Variants in GRIN2B observed in about 807,000 individuals in gnomAD.
GRIN2B encodes glutamate ionotropic receptor NMDA type subunit 2B.
Under a neutral mutation model 114.5 loss-of-function variants are expected in GRIN2B, and 5 were observed. The observed-to-expected ratio is 0.04, with a 90% CI of 0.02 to 0.09. The LOEUF (loss-of-function observed/expected upper bound fraction) is 0.09, where lower values mean the gene tolerates loss of function less well. Among genes scored for constraint, GRIN2B ranks in the 10% least tolerant of loss-of-function variants. The pLI is 1.00. For missense variants in GRIN2B, 1,108 were observed against 1,943.5 expected (o/e 0.57, Z 8.08); for synonymous variants, 787 against 745.1 (o/e 1.06, Z -0.92).
At chr12:13,701,160 C>G (rs557373954) in intron 4 of GRIN2B, among the ~76,000 whole-genome samples, 1 of 152,094 alleles carries the variant, frequency 6.6e-6, no homozygotes, top group Non-Finnish European at 1.5e-5. Flanking sequence ...AGAACAGCAT[C>G]GAGGGAACCA....
intron 3 of GRIN2B, among the ~76,000 whole-genome samples, chr12:13,831,285 T>C (rs1305183184): frequency 6.6e-6 from 1 of 152,242 alleles, no homozygotes; most frequent in Non-Finnish European, 1.5e-5. Flanking sequence ...GGTACTCCTT[T>C]ATAGCAACAT....
chr12:13,544,119 C>T lies in GRIN2B; in HGVS notation c.*18664G>A, dbSNP rs911987921. ...CTATGATCTGCTATTTCCATGTCCT[C>T]TTTACAGCCAAACTCCTAAAGCGTT... On this transcript the variant is annotated 3_prime_UTR_variant, in exon 14 of 14. Transcript: ENST00000609686. 6.6e-6 allele frequency: 1 copy of T among 152,168 alleles called. No individual in the cohort carries two copies. Among genetic ancestry groups the T allele is most frequent in the Non-Finnish European group, 1.5e-5 (1 of 68,028 alleles). 9.4% of individuals were successfully genotyped at this position (152,168 alleles called of 1,614,324 possible).
chr12:13,672,517 T>C (rs771239996), intron 5 of GRIN2B, among the ~76,000 whole-genome samples: 1 of 152,120 alleles, frequency 6.6e-6, no homozygotes, highest in African/African-American at 2.4e-5. Flanking sequence ...GAAGGACCAA[T>C]ACAACTTTCC....
intron 4 of GRIN2B, among the ~76,000 whole-genome samples, chr12:13,681,881 T>C (rs1950134358): frequency 6.6e-6 from 1 of 152,142 alleles, no homozygotes; most frequent in Non-Finnish European, 1.5e-5. Context: ...CTCTACCATG[T>C]GAATGGAAAA....
intron 4 of GRIN2B, among the ~76,000 whole-genome samples, chr12:13,694,778 T>C (rs1950246588): frequency 6.8e-6 from 1 of 148,084 alleles, no homozygotes; most frequent in Non-Finnish European, 1.5e-5. Flanking sequence ...CAAGGATACA[T>C]GGAAATATGA....
chr12:13,839,213 T>C (rs1175185103), intron 3 of GRIN2B, among the ~76,000 whole-genome samples: 1 of 152,202 alleles, frequency 6.6e-6, no homozygotes, highest in Non-Finnish European at 1.5e-5. Context: ...GGCAGGCTGA[T>C]TTTCTATCAT....
intron 2 of GRIN2B, among the ~76,000 whole-genome samples, chr12:13,877,924 G>T (rs1479021908): frequency 6.6e-6 from 1 of 151,600 alleles, no homozygotes; most frequent in African/African-American, 2.4e-5. Context: ...ATTAGCTGGG[G>T]GTAGTGGCAC....
At chr12:13,826,796 T>C (rs1865043784) in intron 3 of GRIN2B, among the ~76,000 whole-genome samples, 2 of 152,158 alleles carry the variant, frequency 1.3e-5, no homozygotes, top group South Asian at 2.1e-4. Context: ...ATTTACTATG[T>C]CTGATGTTCT....
At chr12:13,840,925 G>C (rs1865367493) in intron 3 of GRIN2B, among the ~76,000 whole-genome samples, 1 of 152,080 alleles carries the variant, frequency 6.6e-6, no homozygotes, top group African/African-American at 2.4e-5. Context: ...GAAACAAGAA[G>C]TAAAGAAAAA....
rs1299636118 is a variant in GRIN2B, at chr12:13,901,866, T to A, written c.-18-35640A>T. On this transcript the variant is annotated intron_variant, in intron 2 of 13. Transcript: ENST00000609686. ...CTCTGTATTTTACCTTTCACATTTA[T>A]ATCTCAAATAAATTTTTGTATATGC... Among the ~76,000 whole-genome samples, 3 of 152,174 alleles carry A rather than the reference T, an allele frequency of 2.0e-5. No individual in the cohort carries two copies. The East Asian group carries it at 5.8e-4, about 29-fold the overall frequency.
chr12:13,833,284 T>A (rs74067115), intron 3 of GRIN2B, among the ~76,000 whole-genome samples: 1 of 152,064 alleles, frequency 6.6e-6, no homozygotes, highest in South Asian at 2.1e-4. Flanking sequence ...CACTCAGAGG[T>A]AGGTACTCAA....
intron 4 of GRIN2B, among the ~76,000 whole-genome samples, chr12:13,726,056 T>C (rs1229364333): frequency 2.6e-5 from 4 of 152,166 alleles, no homozygotes; most frequent in Non-Finnish European, 5.9e-5. Flanking sequence ...AAATTGCTAA[T>C]TTCTTATTCC....
intron 3 of GRIN2B, among the ~76,000 whole-genome samples, chr12:13,789,598 T>A (rs560677174): frequency 6.6e-6 from 1 of 152,262 alleles, no homozygotes; most frequent in East Asian, 1.9e-4. Flanking sequence ...CTAGCCTTAG[T>A]TTTTTCAGCT....
intron 3 of GRIN2B, among the ~76,000 whole-genome samples, chr12:13,764,855 C>G (rs570506469): frequency 2.6e-5 from 4 of 152,164 alleles, no homozygotes; most frequent in Non-Finnish European, 5.9e-5. Flanking sequence ...ATTCTTGCCC[C>G]CATCCTCGTC....
intron 4 of GRIN2B, among the ~76,000 whole-genome samples, chr12:13,713,724 G>A (rs1287263663): frequency 3.9e-5 from 6 of 151,938 alleles, no homozygotes; most frequent in Admixed American, 2.6e-4. Context: ...AGAAAAGTAC[G>A]TAGAGAGTGG....
chr12:13,879,146 T>C (rs1307900096), intron 2 of GRIN2B, among the ~76,000 whole-genome samples: 2 of 152,108 alleles, frequency 1.3e-5, no homozygotes, highest in African/African-American at 4.8e-5. Context: ...TCCTAAGAAA[T>C]GCATCATTAG....
intron 2 of GRIN2B, among the ~76,000 whole-genome samples, chr12:13,871,434 G>A (rs1399442784): frequency 6.7e-6 from 1 of 150,036 alleles, no homozygotes; most frequent in Non-Finnish European, 1.5e-5. Flanking sequence ...GAAATCATAA[G>A]GGAAACTAAA....
At chr12:13,625,949 A>G (rs1565481597) in intron 5 of GRIN2B, among the ~76,000 whole-genome samples, 1 of 152,188 alleles carries the variant, frequency 6.6e-6, no homozygotes, top group African/African-American at 2.4e-5. Context: ...AGTTTGCTAA[A>G]CAGGCTCAAA....
intron 2 of GRIN2B, among the ~76,000 whole-genome samples, chr12:13,935,343 C>A (rs1269015043): frequency 6.6e-6 from 1 of 152,168 alleles, no homozygotes; most frequent in Non-Finnish European, 1.5e-5. Flanking sequence ...CATGACCACA[C>A]CTTCTTTTGG....
Sources: allele counts gnomAD v4.1 joint callset (sites outside exome capture counted in the v4.1 genomes callset), GRCh38; gene constraint gnomAD v4.1.1; transcripts MANE v1.5; gene names NCBI Gene and HGNC (gene_info 2026-07-23, HGNC 2026-07-21).